The following LY86 variants were observed in gnomAD, a reference collection of about 807,000 sequenced individuals.
The protein encoded by LY86 is lymphocyte antigen 86, also known as MD-1, RP105-associated.
Under a neutral mutation model 17.3 loss-of-function variants are expected in LY86, and 20 were observed. That is an observed-to-expected ratio of 1.15 (90% CI 0.81 to 1.68). The LOEUF (loss-of-function observed/expected upper bound fraction) is 1.68, where lower values mean the gene tolerates loss of function less well. Ranked by LOEUF, LY86 falls within the 40% of genes most tolerant of loss-of-function variation. The pLI is 0.00. For synonymous variants in LY86, 74 were observed against 70.6 expected (o/e 1.05, Z -0.24); for missense variants, 200 against 191.9 (o/e 1.04, Z -0.25).
chr6:6,590,473 G>C (rs1760490887), intron 1 of LY86, among the ~76,000 whole-genome samples: 1 of 152,092 alleles, frequency 6.6e-6, no homozygotes, highest in African/African-American at 2.4e-5. Context: ...GCAGTTGGCT[G>C]AGAGTAACCG....
intron 1 of LY86, among the ~76,000 whole-genome samples, chr6:6,605,497 C>T (rs6597224): frequency 0.87 from 132,641 of 152,326 alleles, 57,928 homozygotes; most frequent in Middle Eastern, 0.96. Context: ...AGCCAGAGAT[C>T]AGTGCCTTGC....
intron 1 of LY86, among the ~76,000 whole-genome samples, chr6:6,615,840 A>G (rs1761541422): frequency 6.6e-6 from 1 of 152,116 alleles, no homozygotes; most frequent in Non-Finnish European, 1.5e-5. Context: ...CAGCCTGGGC[A>G]GCAGAACCAG....
intron 1 of LY86, among the ~76,000 whole-genome samples, chr6:6,612,679 T>C (rs1761415022): frequency 6.6e-6 from 1 of 152,186 alleles, no homozygotes; most frequent in African/African-American, 2.4e-5. Context: ...GATTGGTCCG[T>C]TTTGACAGGG....
rs374078915 is a variant in LY86 at position 6,646,121 on chromosome 6, G to A, written c.353-3504G>A. ...TTGCAATGCAAGGGGTGCATCCTCA[G>A]GCTGGGCAAAGCACCAGCATGACAA... On this transcript the variant is annotated intron_variant, in intron 3 of 4. Coordinates refer to ENST00000230568, the MANE Select transcript of LY86 (RefSeq NM_004271.4). 7.9e-5 allele frequency among the ~76,000 whole-genome samples: 12 copies of A among 152,250 alleles called. No individual in the cohort carries two copies. The East Asian group carries it at 1.9e-3, about 25-fold the overall frequency.
At chr6:6,597,177 G>T (rs867306657) in intron 1 of LY86, among the ~76,000 whole-genome samples, 1 of 152,204 alleles carries the variant, frequency 6.6e-6, no homozygotes, top group African/African-American at 2.4e-5. Context: ...CCCGCAGGAG[G>T]GGGAGTGTGA....
At position 6,630,140 on chromosome 6, in the gene LY86, G is replaced by T. The variant is rs1426432867; in HGVS notation, c.352+3719G>T. On this transcript the variant is annotated intron_variant, in intron 3 of 4. Coordinates refer to ENST00000230568, the MANE Select transcript of LY86 (RefSeq NM_004271.4). ...TCTCGCTTGCTTTTATGATAAATTTGCAAGGTTACTCTTTTAAGTGTTACT... is the reference window on the plus strand; with the variant it reads ...TCTCGCTTGCTTTTATGATAAATTTTCAAGGTTACTCTTTTAAGTGTTACT... Among the ~76,000 whole-genome samples, 4 of 152,154 alleles carry T rather than the reference G, an allele frequency of 2.6e-5. No individual in the cohort carries two copies. The East Asian group carries it at 7.7e-4, about 29-fold the overall frequency.
chr6:6,626,403 T>C lies in LY86; in HGVS notation c.334T>C (p.Cys112Arg), dbSNP rs1761789424. The C allele has an allele frequency of 6.2e-7, 1 of 1,613,822 alleles. No homozygotes were observed. The highest frequency in any genetic ancestry group is 1.3e-5 in the African/African-American group (1 of 74,940). The change falls in exon 3 of 5, where the codon TGT (cysteine) becomes CGT (arginine). Residue 112 changes from cysteine (C) to arginine (R), a missense_variant. Transcript: ENST00000230568. ...GGCGGCTCTGCCCAAGTTTTCTTTC[T>C]GTGGAAGAAGGAAAGGAGGTAAGCC... ...CEAALPKFSFCGRRKGEQIYY... is the reference protein window; with the variant it reads ...CEAALPKFSFRGRRKGEQIYY...
At chr6:6,605,990 T>C (rs1316343065) in intron 1 of LY86, among the ~76,000 whole-genome samples, 2 of 152,138 alleles carry the variant, frequency 1.3e-5, no homozygotes, top group South Asian at 2.1e-4. Flanking sequence ...ACCAGCAAAA[T>C]TTACTGCGAA....
chr6:6,612,463 T>C (rs932497349), intron 1 of LY86, among the ~76,000 whole-genome samples: 5 of 152,160 alleles, frequency 3.3e-5, no homozygotes, highest in South Asian at 2.1e-4. Flanking sequence ...TTACACTTCA[T>C]AAAAGCAATG....
chr6:6,608,231 T>C (rs572563760), intron 1 of LY86, among the ~76,000 whole-genome samples: 1 of 152,380 alleles, frequency 6.6e-6, no homozygotes, highest in East Asian at 1.9e-4. Flanking sequence ...AATACTATTA[T>C]GTGCATATAA....
intron 1 of LY86, among the ~76,000 whole-genome samples, chr6:6,612,416 G>GCCTCATAAAAGAA: frequency 6.6e-6 from 1 of 152,258 alleles, no homozygotes; most frequent in East Asian, 1.9e-4. Context: ...AGTCTCACTG[G>GCCTCATAAAAGAA]CCTCATAAAA....
At chr6:6,612,433 G>A (rs12530050) in intron 1 of LY86, among the ~76,000 whole-genome samples, 130 of 152,176 alleles carry the variant, frequency 8.5e-4, no homozygotes, top group African/African-American at 2.5e-3. Flanking sequence ...AAAAGAAACC[G>A]CAAACCTTCA....
intron 1 of LY86, among the ~76,000 whole-genome samples, chr6:6,592,115 A>G (rs1760548789): frequency 6.6e-6 from 1 of 152,226 alleles, no homozygotes; most frequent in Admixed American, 6.5e-5. Context: ...ATAATTCAGG[A>G]AAGAAACCAC....
chr6:6,593,520 T>A (rs1221154958), intron 1 of LY86, among the ~76,000 whole-genome samples: 1 of 152,228 alleles, frequency 6.6e-6, no homozygotes. Flanking sequence ...CGCAAAGGGC[T>A]GTGTGAAGAT....
chr6:6,650,116 G>T (rs1017793715), intron 4 of LY86, among the ~76,000 whole-genome samples: 2 of 152,148 alleles, frequency 1.3e-5, no homozygotes, highest in East Asian at 3.9e-4. Context: ...AGCCATGAAG[G>T]CATGAAGGTC....
In LY86 at chr6:6,626,603, A is replaced by G. The variant is rs550786442; in HGVS notation, c.352+182A>G. The stretch of plus-strand genomic sequence containing the variant: ...ACAATAAGGCCCATTCCATAGGCCT[A>G]CCTTACAGGGCTGTTGTGAATATCA... On this transcript the variant is annotated intron_variant, in intron 3 of 4. Transcript: ENST00000230568. Among the ~76,000 whole-genome samples, 28 of 152,346 alleles carry G rather than the reference A, an allele frequency of 1.8e-4. 1 individual carries two copies. In the South Asian group the frequency reaches 5.8e-3, roughly 32 times the overall value.
intron 1 of LY86, among the ~76,000 whole-genome samples, chr6:6,613,476 C>T (rs1052276020): frequency 5.9e-5 from 9 of 152,208 alleles, no homozygotes; most frequent in Non-Finnish European, 1.2e-4. Flanking sequence ...TCGAGCACAG[C>T]AGCTGCTGGC....
intron 1 of LY86, chr6:6,621,116 A>G (rs1761662776): frequency 6.6e-6 from 1 of 152,254 alleles, no homozygotes; most frequent in African/African-American, 2.4e-5. Context: ...GAGGCCAAGG[A>G]AGAAATATTG....
Position 6,643,537 on chromosome 6 carries a change from G to A in LY86, c.353-6088G>A, listed in dbSNP as rs781668492. Among the ~76,000 whole-genome samples the A allele has an allele frequency of 5.3e-5, 8 of 152,320 alleles. No homozygotes were observed. The Middle Eastern group carries it at 0.014, about 259-fold the overall frequency. The stretch of plus-strand genomic sequence containing the variant: ...GAAAGGAAGAGATGGTGGTCAAAGG[G>A]TGCAAACTTGCAGTTAGAGGATGAG... On this transcript the variant is annotated intron_variant, in intron 3 of 4. Transcript: ENST00000230568.
Sources: allele counts gnomAD v4.1 joint callset (sites outside exome capture counted in the v4.1 genomes callset), GRCh38; gene constraint gnomAD v4.1.1; transcripts MANE v1.5; gene names NCBI Gene and HGNC (gene_info 2026-07-23, HGNC 2026-07-21).